The following B3GALT5 variants were observed in gnomAD, a reference collection of about 807,000 sequenced individuals.
B3GALT5 encodes beta-1,3-galactosyltransferase 5, also known as UDP-Gal:betaGlcNAc beta 1,3-galactosyltransferase, polypeptide 5.
For synonymous variants in B3GALT5, 156 were observed against 158.6 expected (o/e 0.98, Z 0.12); for missense variants, 328 against 396.6 (o/e 0.83, Z 1.47).
intron 2 of B3GALT5, chr21:39,657,981 C>T (rs2079465282): frequency 8.6e-7 from 1 of 1,165,074 alleles, no homozygotes; most frequent in Non-Finnish European, 1.1e-6. Flanking sequence ...TTCTGCTTTG[C>T]AGCTGGCCTG....
chr21:39,623,689 T>G (rs1241450339), intron 1 of B3GALT5, among the ~76,000 whole-genome samples: 1 of 152,164 alleles, frequency 6.6e-6, no homozygotes, highest in African/African-American at 2.4e-5. Flanking sequence ...TGTGACTGTT[T>G]TGTTGATAAT....
At chr21:39,615,432 T>C (rs902533864) in intron 1 of B3GALT5, among the ~76,000 whole-genome samples, 3 of 152,318 alleles carry the variant, frequency 2.0e-5, no homozygotes, top group African/African-American at 7.2e-5. Flanking sequence ...TGAGATTCAT[T>C]TGAAAAACAA....
At chr21:39,639,385 TCC>T (rs1569212271) in intron 1 of B3GALT5, among the ~76,000 whole-genome samples, 9 of 134,038 alleles carry the variant, frequency 6.7e-5, no homozygotes, top group African/African-American at 2.5e-4. Context: ...CTTCCTTCCT[TCC>T]TTCCTTCTTT....
intron 1 of B3GALT5, among the ~76,000 whole-genome samples, chr21:39,629,163 C>A (rs990917705): frequency 3.9e-5 from 6 of 152,200 alleles, no homozygotes; most frequent in African/African-American, 1.2e-4. Context: ...TACAGGCCCA[C>A]GCCACTGCAC....
chr21:39,649,267 C>T (rs1375391361), intron 2 of B3GALT5, among the ~76,000 whole-genome samples: 5 of 152,160 alleles, frequency 3.3e-5, no homozygotes, highest in African/African-American at 1.2e-4. Flanking sequence ...TGGCCAGAGC[C>T]CAGACTGCTC....
In B3GALT5 at chr21:39,635,733, G is replaced by A. The variant is rs2079222706; in HGVS notation, c.-391-10659G>A. On this transcript the variant is annotated intron_variant, in intron 1 of 3. Coordinates refer to ENST00000684187, the MANE Select transcript of B3GALT5 (RefSeq NM_001356336.2). The stretch of plus-strand genomic sequence containing the variant: ...GACCTCAAGTGATCCACCCACCTCG[G>A]CCTCCCAAACTGTTGGGATTACAGG... Among the ~76,000 whole-genome samples, 3 of 152,162 alleles carry A rather than the reference G, an allele frequency of 2.0e-5. No individual in the cohort carries two copies. The South Asian group carries it at 6.2e-4, about 32-fold the overall frequency.
At chr21:39,633,246 A>G (rs1457829611) in intron 1 of B3GALT5, among the ~76,000 whole-genome samples, 1 of 152,148 alleles carries the variant, frequency 6.6e-6, no homozygotes, top group East Asian at 1.9e-4. Context: ...TAACAAGGAA[A>G]TCATAAAACT....
chr21:39,645,854 G>T (rs1287712879), intron 1 of B3GALT5, among the ~76,000 whole-genome samples: 7 of 151,858 alleles, frequency 4.6e-5, no homozygotes, highest in Non-Finnish European at 8.8e-5. Context: ...GGGGCAGATC[G>T]CTTTGTTAGT....
chr21:39,668,970 G>C lies in B3GALT5; in HGVS notation c.*7478G>C, dbSNP rs1371826920. The C allele has an allele frequency of 6.6e-6, 1 of 152,264 alleles. No homozygotes were observed. The highest frequency in any genetic ancestry group is 6.5e-5 in the Admixed American group (1 of 15,290). 9.4% of individuals were successfully genotyped at this position (152,264 alleles called of 1,614,324 possible). On this transcript the variant is annotated 3_prime_UTR_variant, in exon 4 of 4. Transcript: ENST00000684187. Reference sequence around the variant, plus strand: ...TGATTATAGTCAGTGTTTGGGCTGTGAATTTTGGTGGATTCTATGGTGGTG... The same window carrying C: ...TGATTATAGTCAGTGTTTGGGCTGTCAATTTTGGTGGATTCTATGGTGGTG...
rs1381269234 is a variant in B3GALT5 at position 39,627,434 on chromosome 21, T to G, written c.-392+14367T>G. On this transcript the variant is annotated intron_variant, in intron 1 of 3. Coordinates refer to ENST00000684187, the MANE Select transcript of B3GALT5 (RefSeq NM_001356336.2). ...CCTTGCAGCTGGTGGTGAGGATTCA[T>G]TGGGAAATCACATGAAAAGTACTTA... Among the ~76,000 whole-genome samples the G allele has an allele frequency of 2.0e-5, 3 of 152,170 alleles. 1 individual carries two copies. The highest frequency in any genetic ancestry group is 4.4e-5 in the Non-Finnish European group (3 of 68,034).
chr21:39,644,645 T>C (rs1018717043), intron 1 of B3GALT5, among the ~76,000 whole-genome samples: 3 of 152,200 alleles, frequency 2.0e-5, no homozygotes, highest in African/African-American at 7.2e-5. Context: ...AGTGAAGGAA[T>C]GTCTTGTGTT....
chr21:39,640,448 C>T (rs2837104), intron 1 of B3GALT5, among the ~76,000 whole-genome samples: 13,610 of 152,182 alleles, frequency 0.089, 751 homozygotes, highest in Admixed American at 0.15. Context: ...CAGTTGCTCT[C>T]GCCCCATGGG....
At chr21:39,625,714 A>G (rs1025884634) in intron 1 of B3GALT5, among the ~76,000 whole-genome samples, 1 of 152,198 alleles carries the variant, frequency 6.6e-6, no homozygotes, top group South Asian at 2.1e-4. Flanking sequence ...AGGGGCGCAC[A>G]CAGGGACTCC....
At chr21:39,614,069 A>G (rs2079094915) in intron 1 of B3GALT5, among the ~76,000 whole-genome samples, 1 of 152,192 alleles carries the variant, frequency 6.6e-6, no homozygotes, top group Non-Finnish European at 1.5e-5. Context: ...TGGGGTAGGC[A>G]GTGGCTGCTG....
At chr21:39,628,877 T>C (rs990493065) in intron 1 of B3GALT5, among the ~76,000 whole-genome samples, 1 of 152,238 alleles carries the variant, frequency 6.6e-6, no homozygotes, top group East Asian at 1.9e-4. Flanking sequence ...CATTTTACTT[T>C]TCCATTCTTA....
chr21:39,653,883 T>C (rs1452393189), intron 2 of B3GALT5, among the ~76,000 whole-genome samples: 1 of 152,258 alleles, frequency 6.6e-6, no homozygotes, highest in Non-Finnish European at 1.5e-5. Context: ...TTATTACTGT[T>C]AGTCTCTCAT....
At chr21:39,658,579 A>G (rs1007491653) in intron 2 of B3GALT5, among the ~76,000 whole-genome samples, 12 of 152,150 alleles carry the variant, frequency 7.9e-5, no homozygotes, top group African/African-American at 2.7e-4. Context: ...GCAAATAAAT[A>G]ATGAAAGAGA....
intron 1 of B3GALT5, among the ~76,000 whole-genome samples, chr21:39,625,241 G>A (rs1052215703): frequency 2.6e-5 from 4 of 152,168 alleles, no homozygotes; most frequent in African/African-American, 9.7e-5. Flanking sequence ...CCAGGCTAAT[G>A]AAACATGATG....
rs1339331444 is a variant in B3GALT5, at chr21:39,639,400, T to TTCTTTC, written c.-391-6991_-391-6990insCTTTCT. Among the ~76,000 whole-genome samples, 80 of 57,164 alleles carry TTCTTTC rather than the reference T, an allele frequency of 1.4e-3. 2 individuals are homozygous for TTCTTTC. The highest frequency in any genetic ancestry group is 2.4e-3 in the African/African-American group (32 of 13,476). 37.5% of individuals were successfully genotyped at this position (57,164 alleles called of 152,430 possible). A position where few individuals can be genotyped will look rare whatever the true frequency, so the allele number is the denominator to read the frequency against. ...CTTCCTTCCTTCCTTCCTTCTTTCT[T>TTCTTTC]TTTCTTTCTTTCTTTCTTTCTTTCT... is the stretch of plus-strand genomic sequence containing the variant. On this transcript the variant is annotated intron_variant, in intron 1 of 3. Transcript: ENST00000684187.
Sources: gnomAD v4.1 joint callset for allele counts (sites outside exome capture counted in the v4.1 genomes callset) on GRCh38, gnomAD v4.1.1 for gene constraint, MANE v1.5 for transcripts, NCBI Gene and HGNC (gene_info 2026-07-23, HGNC 2026-07-21) for gene names.